PTPRD: variants seen among roughly 807,000 people sequenced by gnomAD.
PTPRD encodes protein tyrosine phosphatase receptor type D.
Under a neutral mutation model 214.5 loss-of-function variants are expected in PTPRD, and 34 were observed. The observed-to-expected ratio is 0.16, with a 90% CI of 0.12 to 0.21. The LOEUF (loss-of-function observed/expected upper bound fraction) is 0.21. PTPRD is among the 10% of genes least tolerant of loss of function. The pLI is 1.00. For synonymous variants in PTPRD, 1,128 were observed against 845.7 expected (o/e 1.33, Z -5.79); for missense variants, 2,545 against 2,398.7 (o/e 1.06, Z -1.27).
chr9:10,224,639 G>C (rs1165284612), intron 3 of PTPRD, among the ~76,000 whole-genome samples: 1 of 151,752 alleles, frequency 6.6e-6, no homozygotes, highest in East Asian at 1.9e-4. Flanking sequence ...TTTCTTGTTA[G>C]AAAAAAATAA....
At chr9:10,152,629 C>T (rs1308521002) in intron 3 of PTPRD, among the ~76,000 whole-genome samples, 3 of 152,072 alleles carry the variant, frequency 2.0e-5, no homozygotes, top group African/African-American at 7.2e-5. Context: ...AGTTTGAGAC[C>T]AGCCTGACCA....
At chr9:9,156,830 G>A (rs1248827482) in intron 10 of PTPRD, among the ~76,000 whole-genome samples, 4 of 152,132 alleles carry the variant, frequency 2.6e-5, no homozygotes, top group Admixed American at 2.6e-4. Flanking sequence ...AATTTGGCTG[G>A]TAAGTGTTAC....
chr9:10,442,181 A>T (rs937991652), intron 2 of PTPRD, among the ~76,000 whole-genome samples: 1 of 151,684 alleles, frequency 6.6e-6, no homozygotes, highest in Non-Finnish European at 1.5e-5. Context: ...GTTATTGATT[A>T]TTCAGTAAAT....
intron 3 of PTPRD, among the ~76,000 whole-genome samples, chr9:10,177,084 TTA>T (rs1324167082): frequency 6.6e-6 from 1 of 151,824 alleles, no homozygotes; most frequent in Non-Finnish European, 1.5e-5. Context: ...ATCTTATACA[TTA>T]AAAAAGAATT....
At chr9:9,426,081 A>G (rs1300007105) in intron 8 of PTPRD, among the ~76,000 whole-genome samples, 1 of 152,092 alleles carries the variant, frequency 6.6e-6, no homozygotes, top group Non-Finnish European at 1.5e-5. Context: ...GATGCAGCCC[A>G]CTGACTGTGA....
At chr9:9,701,290 G>C (rs940389687) in intron 7 of PTPRD, among the ~76,000 whole-genome samples, 1 of 152,036 alleles carries the variant, frequency 6.6e-6, no homozygotes, top group African/African-American at 2.4e-5. Context: ...ATACAATAAG[G>C]AGCCATTTAA....
At chr9:9,675,598 T>C (rs1346745127) in intron 7 of PTPRD, among the ~76,000 whole-genome samples, 1 of 151,860 alleles carries the variant, frequency 6.6e-6, no homozygotes, top group Non-Finnish European at 1.5e-5. Flanking sequence ...TTTAAAGCAA[T>C]ATAAAAATTT....
intron 9 of PTPRD, among the ~76,000 whole-genome samples, chr9:9,380,328 G>C (rs1341788601): frequency 6.6e-6 from 1 of 151,854 alleles, no homozygotes; most frequent in Non-Finnish European, 1.5e-5. Flanking sequence ...TCTTTGACCT[G>C]TGTGTTATTT....
At chr9:9,462,438 C>A (rs1415308123) in intron 8 of PTPRD, among the ~76,000 whole-genome samples, 1 of 152,114 alleles carries the variant, frequency 6.6e-6, no homozygotes, top group African/African-American at 2.4e-5. Flanking sequence ...CACCAGAAGT[C>A]ATTGTCATAA....
intron 3 of PTPRD, among the ~76,000 whole-genome samples, chr9:10,056,431 T>A (rs570243535): frequency 6.6e-6 from 1 of 151,992 alleles, no homozygotes; most frequent in South Asian, 2.1e-4. Flanking sequence ...CCTCTTTTAT[T>A]AGCTGCTGGA....
In PTPRD at chr9:8,893,910, A is replaced by G. The variant is rs576429399; in HGVS notation, c.-104+124787T>C. On this transcript the variant is annotated intron_variant, in intron 11 of 45. Coordinates refer to ENST00000381196, the MANE Select transcript of PTPRD (RefSeq NM_002839.4). ...TTCAAATCCCACAGAACAATTTTAT[A>G]TATCATTAATGAATACATCTGCATA... Among the ~76,000 whole-genome samples the G allele has an allele frequency of 1.8e-4, 27 of 151,790 alleles. 1 individual carries two copies. The South Asian group carries it at 3.6e-3, about 20-fold the overall frequency.
chr9:9,654,028 A>C (rs951911013), intron 7 of PTPRD, among the ~76,000 whole-genome samples: 1 of 152,282 alleles, frequency 6.6e-6, no homozygotes, highest in Admixed American at 6.5e-5. Flanking sequence ...AGGGTTACAA[A>C]ATTGAAACCT....
chr9:9,926,411 G>T (rs185648148), intron 5 of PTPRD, among the ~76,000 whole-genome samples: 12 of 152,096 alleles, frequency 7.9e-5, no homozygotes, highest in African/African-American at 2.9e-4. Flanking sequence ...TAAAGCCAGG[G>T]AATATGGAAA....
intron 11 of PTPRD, among the ~76,000 whole-genome samples, chr9:8,935,719 T>C (rs2098992421): frequency 6.6e-6 from 1 of 152,204 alleles, no homozygotes; most frequent in Non-Finnish European, 1.5e-5. Context: ...TAATGCAGTA[T>C]GAAATGAGAA....
chr9:10,517,202 T>C (rs2050429133), intron 2 of PTPRD, among the ~76,000 whole-genome samples: 1 of 152,050 alleles, frequency 6.6e-6, no homozygotes. Context: ...TTCATGAACA[T>C]GGGATGTATC....
At chr9:9,741,966 T>C (rs1350894227) in intron 6 of PTPRD, among the ~76,000 whole-genome samples, 1 of 152,216 alleles carries the variant, frequency 6.6e-6, no homozygotes, top group Non-Finnish European at 1.5e-5. Context: ...TTTGGGTATA[T>C]ACCTAGTAAT....
chr9:8,780,489 C>T (rs977181835), intron 11 of PTPRD, among the ~76,000 whole-genome samples: 20 of 152,098 alleles, frequency 1.3e-4, no homozygotes, highest in African/African-American at 4.1e-4. Flanking sequence ...TCCTCAGACA[C>T]GGAGGGATTA....
chr9:9,728,457 G>C lies in PTPRD; in HGVS notation c.-287+6076C>G, dbSNP rs1267073722. Among the ~76,000 whole-genome samples, 4 of 152,170 alleles carry C rather than the reference G, an allele frequency of 2.6e-5. No homozygotes were observed. The East Asian group carries it at 7.7e-4, about 29-fold the overall frequency. ...GAAGTTTAACTAATTAGCTGTTGTA[G>C]AAATGAATGATGCTAGTTGGCATGT... On this transcript the variant is annotated intron_variant, in intron 7 of 45. Transcript: ENST00000381196.
In PTPRD at chr9:9,987,332, C is replaced by T. The variant is rs146054982; in HGVS notation, c.-472+46386G>A. ...TTTTCACACTGCTGATAAGACATGC[C>T]GGAGACTGGGCAATTTACAGAAGAA... On this transcript the variant is annotated intron_variant, in intron 4 of 45. Transcript: ENST00000381196. Among the ~76,000 whole-genome samples the T allele has an allele frequency of 1.8e-3, 277 of 152,110 alleles. 1 individual carries two copies. Among genetic ancestry groups the T allele is most frequent in the Non-Finnish European group, 3.4e-3 (234 of 67,996 alleles).
Sources: allele counts gnomAD v4.1 joint callset (sites outside exome capture counted in the v4.1 genomes callset), GRCh38; gene constraint gnomAD v4.1.1; transcripts MANE v1.5; gene names NCBI Gene and HGNC (gene_info 2026-07-23, HGNC 2026-07-21).